Variants in IGSF11 observed in about 807,000 individuals in gnomAD.
The protein encoded by IGSF11 is immunoglobulin superfamily member 11.
Under a neutral mutation model 41.0 loss-of-function variants are expected in IGSF11, and 22 were observed. The ratio of observed to expected loss-of-function variants is 0.54; its 90% CI spans 0.38 to 0.77. The LOEUF (loss-of-function observed/expected upper bound fraction) is 0.77, where lower values mean the gene tolerates loss of function less well. Ranked by LOEUF, IGSF11 falls within the 30% of genes least tolerant of loss-of-function variation. The probability of loss-of-function intolerance (pLI) is 0.00; values close to 1 mark genes in which losing one functional copy is unlikely to be tolerated. For synonymous variants in IGSF11, 219 were observed against 201.3 expected (o/e 1.09, Z -0.74); for missense variants, 444 against 530.8 (o/e 0.84, Z 1.61).
chr3:119,045,210 T>C (rs1199303679), intron 1 of IGSF11, among the ~76,000 whole-genome samples: 1 of 152,138 alleles, frequency 6.6e-6, no homozygotes, highest in Admixed American at 6.5e-5. Flanking sequence ...TATGGGTGAT[T>C]TCTGCATTTC....
intron 1 of IGSF11, among the ~76,000 whole-genome samples, chr3:119,047,214 G>T (rs1032903253): frequency 5.9e-5 from 9 of 151,554 alleles, no homozygotes; most frequent in African/African-American, 2.2e-4. Flanking sequence ...ATTGGATAAA[G>T]AGTCAAGACC....
intron 1 of IGSF11, among the ~76,000 whole-genome samples, chr3:118,941,795 A>T (rs1441535790): frequency 6.6e-6 from 1 of 152,218 alleles, no homozygotes; most frequent in Non-Finnish European, 1.5e-5. Context: ...GAACAAAAAA[A>T]ACCTCAAACT....
chr3:118,964,532 G>C (rs1238376515), intron 1 of IGSF11, among the ~76,000 whole-genome samples: 1 of 152,144 alleles, frequency 6.6e-6, no homozygotes. Context: ...AAAAAGCATG[G>C]AGAAGGGAGG....
chr3:119,129,382 A>G (rs1002270276), intron 1 of IGSF11, among the ~76,000 whole-genome samples: 1 of 152,228 alleles, frequency 6.6e-6, no homozygotes, highest in Admixed American at 6.5e-5. Context: ...TTATAACACT[A>G]TAACTGGGGT....
exon 1 of IGSF11, chr3:119,145,885 G>A: frequency 3.1e-6 from 1 of 325,498 alleles, no homozygotes; most frequent in Non-Finnish European, 5.7e-6. Context: ...ACTCTAGGTG[G>A]CGATGCACGG....
At chr3:119,111,984 G>A (rs1354934592) in intron 1 of IGSF11, among the ~76,000 whole-genome samples, 1 of 152,200 alleles carries the variant, frequency 6.6e-6, no homozygotes, top group Non-Finnish European at 1.5e-5. Flanking sequence ...AGCTGTGTGA[G>A]GTGTCAGTCT....
In IGSF11 at chr3:119,104,133, A is replaced by G. The variant is rs188429167; in HGVS notation, c.49+1011T>C. Among the ~76,000 whole-genome samples the G allele has an allele frequency of 1.5e-4, 23 of 152,208 alleles. No individual in the cohort carries two copies. In the East Asian group the frequency reaches 4.2e-3, roughly 28 times the overall value. On this transcript the variant is annotated intron_variant, in intron 1 of 6. Coordinates refer to the IGSF11 transcript ENST00000354673. Reference sequence around the variant, plus strand: ...GGTCATCTTAGTCGCCCAATTTCCAATCCCCTCCTCAATCCATTTTTGCCA... The same window carrying G: ...GGTCATCTTAGTCGCCCAATTTCCAGTCCCCTCCTCAATCCATTTTTGCCA...
intron 1 of IGSF11, among the ~76,000 whole-genome samples, chr3:119,033,527 C>T (rs1252511215): frequency 6.6e-6 from 1 of 152,158 alleles, no homozygotes; most frequent in South Asian, 2.1e-4. Flanking sequence ...CTCTTCTCCC[C>T]TATTCAATGA....
intron 1 of IGSF11, among the ~76,000 whole-genome samples, chr3:119,134,548 C>T (rs556578651): frequency 1.3e-5 from 2 of 152,244 alleles, no homozygotes; most frequent in South Asian, 4.1e-4. Context: ...CAAACCACTG[C>T]TCAATGAAAT....
chr3:118,980,116 A>C (rs1039190256), intron 1 of IGSF11, among the ~76,000 whole-genome samples: 5 of 152,154 alleles, frequency 3.3e-5, no homozygotes, highest in African/African-American at 1.2e-4. Context: ...TTCAAAAAAC[A>C]ACAACAACAA....
intron 1 of IGSF11, among the ~76,000 whole-genome samples, chr3:118,937,378 A>G (rs1275519197): frequency 1.3e-5 from 2 of 152,194 alleles, no homozygotes; most frequent in Non-Finnish European, 2.9e-5. Context: ...AAGGAATACC[A>G]CAATTCTCTA....
chr3:118,999,211 G>T (rs1936568691), intron 1 of IGSF11, among the ~76,000 whole-genome samples: 1 of 151,756 alleles, frequency 6.6e-6, no homozygotes, highest in African/African-American at 2.4e-5. Context: ...TACTTTTTTT[G>T]AAATTTGAGC....
intron 1 of IGSF11, among the ~76,000 whole-genome samples, chr3:119,063,568 T>C (rs1271730755): frequency 6.6e-6 from 1 of 152,240 alleles, no homozygotes; most frequent in Non-Finnish European, 1.5e-5. Flanking sequence ...TTACATTTTT[T>C]AGTCCCATGC....
At chr3:118,931,382 G>C (rs1002621865) in intron 1 of IGSF11, among the ~76,000 whole-genome samples, 1 of 152,174 alleles carries the variant, frequency 6.6e-6, no homozygotes, top group African/African-American at 2.4e-5. Context: ...TTTATATCAT[G>C]TCCTGAAAAG....
intron 4 of IGSF11, among the ~76,000 whole-genome samples, chr3:118,911,712 G>A (rs1940326106): frequency 6.6e-6 from 1 of 151,672 alleles, no homozygotes; most frequent in Non-Finnish European, 1.5e-5. Flanking sequence ...AGAGAGAGGA[G>A]AGGAGACACA....
intron 1 of IGSF11, among the ~76,000 whole-genome samples, chr3:118,991,366 T>C (rs570242267): frequency 1.6e-4 from 25 of 152,324 alleles, no homozygotes; most frequent in African/African-American, 5.3e-4. Context: ...GTGCCTACTA[T>C]ATTTCAGGGC....
intron 1 of IGSF11, among the ~76,000 whole-genome samples, chr3:119,041,735 C>A (rs1941125821): frequency 6.6e-6 from 1 of 152,106 alleles, no homozygotes; most frequent in African/African-American, 2.4e-5. Context: ...AACTTATCAA[C>A]ATTTGCTCAA....
intron 1 of IGSF11, among the ~76,000 whole-genome samples, chr3:119,057,489 A>G (rs1941891791): frequency 6.6e-6 from 1 of 152,232 alleles, no homozygotes; most frequent in Non-Finnish European, 1.5e-5. Context: ...AAACAAATGG[A>G]AGAACATTCC....
chr3:118,972,205 A>T (rs1286146448), intron 1 of IGSF11, among the ~76,000 whole-genome samples: 1 of 152,236 alleles, frequency 6.6e-6, no homozygotes, highest in Non-Finnish European at 1.5e-5. Context: ...CCAAATGGCG[A>T]GAACTAAATG....
Sources: gnomAD v4.1 joint callset for allele counts (sites outside exome capture counted in the v4.1 genomes callset) on GRCh38, gnomAD v4.1.1 for gene constraint, MANE v1.5 for transcripts, NCBI Gene and HGNC (gene_info 2026-07-23, HGNC 2026-07-21) for gene names.